Variants in JAG2 observed in about 807,000 individuals in gnomAD.
JAG2 encodes protein jagged-2.
JAG2 carries 46 observed loss-of-function variants against 141.7 expected under a neutral mutation model. The observed-to-expected ratio is 0.32, with a 90% CI of 0.26 to 0.42. The LOEUF is 0.42. Ranked by LOEUF, JAG2 falls within the 10% of genes least tolerant of loss-of-function variation. JAG2 has a pLI of 1.00. For missense variants in JAG2, 1,500 were observed against 1,817.5 expected (o/e 0.83, Z 3.18); for synonymous variants, 862 against 763.5 (o/e 1.13, Z -2.13).
In JAG2 at chr14:105,147,329, T is replaced by TGCG; in HGVS notation, c.2473_2475dup (p.Arg825dup). 1 of 1,555,322 alleles carries TGCG rather than the reference T, an allele frequency of 6.4e-7. No homozygotes were observed. Among genetic ancestry groups the TGCG allele is most frequent in the Non-Finnish European group, 8.7e-7 (1 of 1,149,662 alleles). ...CTGGGGCTGTCTGGCCACTCACTGA[T>TGCG]GCGGCAGTCAGGCCCCGCGAAGCCA... On this transcript the variant is annotated inframe_insertion, in exon 20 of 26. Coordinates refer to ENST00000331782, the MANE Select transcript of JAG2 (RefSeq NM_002226.5).
At chr14:105,149,466 C>A (rs1205616590) in intron 12 of JAG2, 146 bp from the exon 13 acceptor site, 1 of 945,908 alleles carries the variant, frequency 1.1e-6, no homozygotes, top group East Asian at 2.6e-5. Flanking sequence ...GAGCCCAAGA[C>A]CCCTGCCCAC....
chr14:105,167,626 GC>G lies in JAG2; in HGVS notation c.417+130del. ...TCCCCAGAGCACGCGCCCCCTGCCG[GC>G]CCCGCCCCGCCTGGGCGCGCGCGGC... is the stretch of plus-strand genomic sequence containing the variant. On this transcript the variant is annotated intron_variant, in intron 2 of 25. Transcript: ENST00000331782. The surrounding 1 kb of genome is among the most constrained non-coding windows in gnomAD (Gnocchi z 4.8). 9.2e-7 allele frequency: 1 copy of G among 1,085,658 alleles called. No individual in the cohort carries two copies. The highest frequency in any genetic ancestry group is 1.1e-6 in the Non-Finnish European group (1 of 874,504). 67.3% of individuals were successfully genotyped at this position (1,085,658 alleles called of 1,614,324 possible). A position where few individuals can be genotyped will look rare whatever the true frequency, so the allele number is the denominator to read the frequency against.
chr14:105,144,914 C>T lies in JAG2; in HGVS notation c.3084+16G>A. On this transcript the variant is annotated intron_variant, in intron 24 of 25. Coordinates refer to ENST00000331782, the MANE Select transcript of JAG2 (RefSeq NM_002226.5). Reference sequence around the variant, plus strand: ...CCCAGGGCCCACCCAGGTGCTGCTCCCCACTGGGCACTCACCACGGCCACC... The same window carrying T: ...CCCAGGGCCCACCCAGGTGCTGCTCTCCACTGGGCACTCACCACGGCCACC... 1 of 1,597,186 alleles carries T rather than the reference C, an allele frequency of 6.3e-7. No homozygotes were observed. Among genetic ancestry groups the T allele is most frequent in the Non-Finnish European group, 8.5e-7 (1 of 1,176,108 alleles).
chr14:105,146,505 G>T lies in JAG2; in HGVS notation c.2594-5C>A, dbSNP rs772094758. On this transcript the variant is annotated splice_region_variant and splice_polypyrimidine_tract_variant and intron_variant, in intron 21 of 25. Transcript: ENST00000331782. ...AGGATCTCCCGAACCCGATCACTGT[G>T]GGGAGAAGGGGCTCGAGGGTCAGCA... 8 of 1,611,932 alleles carry T rather than the reference G, an allele frequency of 5.0e-6. No individual in the cohort carries two copies. Among genetic ancestry groups the T allele is most frequent in the South Asian group, 2.2e-5 (2 of 91,076 alleles).
At chr14:105,166,022 C>T (rs1888898196) in intron 2 of JAG2, among the ~76,000 whole-genome samples, 1 of 152,242 alleles carries the variant, frequency 6.6e-6, no homozygotes, top group Non-Finnish European at 1.5e-5. Flanking sequence ...GGCAGGAGAC[C>T]AGGGCTGCCC....
At chr14:105,161,887 T>C (rs587594203) in intron 2 of JAG2, among the ~76,000 whole-genome samples, 2 of 152,238 alleles carry the variant, frequency 1.3e-5, no homozygotes, top group African/African-American at 4.8e-5. Flanking sequence ...CCTCTGCGAA[T>C]AGCAACCTCT....
At chr14:105,163,262 G>A (rs1330444226) in intron 2 of JAG2, among the ~76,000 whole-genome samples, 2 of 152,200 alleles carry the variant, frequency 1.3e-5, no homozygotes, top group African/African-American at 2.4e-5. Flanking sequence ...AAGAAGGGGT[G>A]GGGGCAAACA....
Position 105,149,082 on chromosome 14 carries a change from A to G in JAG2, c.1761T>C (p.Asp587=). Residue 587 remains aspartate (D), a synonymous_variant, in exon 14 of 26, where the codon GAT becomes GAC. Coordinates refer to ENST00000331782, the MANE Select transcript of JAG2 (RefSeq NM_002226.5). ...CAGGCCCCGCGTCTGACCCGCAGCC[A>G]TCGATCACTATGGCAGGCAGTACAG... ...PCPGGACRVI[D]GCGSDAGPGM... 1 of 1,608,654 alleles carries G rather than the reference A, an allele frequency of 6.2e-7. No individual in the cohort carries two copies. Among genetic ancestry groups the G allele is most frequent in the Non-Finnish European group, 8.5e-7 (1 of 1,178,500 alleles).
chr14:105,165,725 C>T (rs1173734843), intron 2 of JAG2, among the ~76,000 whole-genome samples: 2 of 152,224 alleles, frequency 1.3e-5, no homozygotes, highest in Non-Finnish European at 2.9e-5. Context: ...GACTCCCCCA[C>T]TCCTCTTCCA....
At position 105,154,833 on chromosome 14, in the gene JAG2, T is replaced by C. The variant is rs1258720389; in HGVS notation, c.788+729A>G. ...GCCTGCTCCTCTGTGGCATTCCTCC[T>C]GCCACCATGGCTCTGCTACTCAGCA... is the stretch of plus-strand genomic sequence containing the variant. On this transcript the variant is annotated intron_variant, in intron 5 of 25. Transcript: ENST00000331782. The surrounding 1 kb of genome is among the most constrained non-coding windows in gnomAD (Gnocchi z 4.4). Among the ~76,000 whole-genome samples the C allele has an allele frequency of 2.6e-5, 4 of 151,996 alleles. No individual in the cohort carries two copies. The highest frequency in any genetic ancestry group is 9.7e-5 in the African/African-American group (4 of 41,342).
chr14:105,168,383 AGC>A lies in JAG2; in HGVS notation c.36_37del (p.Leu13AlafsTer38). The A allele has an allele frequency of 9.8e-7, 1 of 1,019,328 alleles. No homozygotes were observed. The highest frequency in any genetic ancestry group is 1.2e-6 in the Non-Finnish European group (1 of 829,780). The allele number at this position is 1,019,328 out of a possible 1,614,324, so 63.1% of individuals were successfully genotyped here. A position where few individuals can be genotyped will look rare whatever the true frequency, so the allele number is the denominator to read the frequency against. ...CACCCAGAGCGCCAGCAGCAGCAGC[AGC>A]CGCCGGGGAAGGCGCCCCCGGCCCT... On this transcript the variant is annotated frameshift_variant, in exon 1 of 26. Coordinates refer to ENST00000331782, the MANE Select transcript of JAG2 (RefSeq NM_002226.5). LOFTEE classifies it high-confidence loss of function.
chr14:105,151,213 C>CACAGCCCCA (rs1555370222), intron 9 of JAG2, 70 bp downstream of exon 9: 5 of 1,372,522 alleles, frequency 3.6e-6, no homozygotes, highest in South Asian at 1.2e-5. Flanking sequence ...CAGCAGCCCC[C>CACAGCCCCA]GCAGCCCCAG....
rs369902010 is a variant in JAG2 at position 105,152,373 on chromosome 14, C to A, written c.789-82G>T. ...CAGGGGAGCCAGGCACAGTCACCCA[C>A]GCCACACCCAGGGCCGGCGGGCGGC... On this transcript the variant is annotated intron_variant, in intron 5 of 25. Transcript: ENST00000331782. The A allele has an allele frequency of 1.4e-5, 22 of 1,518,258 alleles. No homozygotes were observed. The African/African-American group carries it at 2.8e-4, about 19-fold the overall frequency. 94.0% of individuals were successfully genotyped at this position (1,518,258 alleles called of 1,614,324 possible). A position where few individuals can be genotyped will look rare whatever the true frequency, so the allele number is the denominator to read the frequency against.
intron 23 of JAG2, among the ~76,000 whole-genome samples, 164 bp downstream of exon 23, chr14:105,145,567 C>T (rs1302686981): frequency 6.6e-6 from 1 of 152,244 alleles, no homozygotes; most frequent in Non-Finnish European, 1.5e-5. Flanking sequence ...GCACCAGGCC[C>T]AATGCCCCTC....
At chr14:105,158,267 A>G (rs1888635603) in intron 2 of JAG2, among the ~76,000 whole-genome samples, 1 of 152,010 alleles carries the variant, frequency 6.6e-6, no homozygotes, top group African/African-American at 2.4e-5. Flanking sequence ...GTGGCCAAGT[A>G]CAGGGCGCCC....
chr14:105,150,817 G>A, intron 11 of JAG2, 40 bp from the exon 12 acceptor site: 1 of 1,573,208 alleles, frequency 6.4e-7, no homozygotes, highest in Non-Finnish European at 8.6e-7. Flanking sequence ...CAGGCACCCT[G>A]ACGGCCCCGC....
intron 2 of JAG2, among the ~76,000 whole-genome samples, chr14:105,164,747 C>G (rs1480735829): frequency 6.6e-6 from 1 of 152,130 alleles, no homozygotes; most frequent in African/African-American, 2.4e-5. Flanking sequence ...CTGGACAGGT[C>G]TGGGAGCCGG....
rs200708284 is a variant in JAG2 at position 105,148,416 on chromosome 14, G to A, written c.2044C>T (p.Pro682Ser). The change falls in exon 16 of 26, where the codon CCC (proline) becomes TCC (serine). Residue 682 changes from proline to serine, a missense_variant. By Grantham distance (74) the Pro-to-Ser change is moderately conservative (BLOSUM62 -1). This residue lies in a region of JAG2 where 875 missense variants were observed against 1,202.2 expected (regional missense o/e 0.73). Coordinates refer to ENST00000331782, the MANE Select transcript of JAG2 (RefSeq NM_002226.5). ...TAGCAGCGGCCGCGGCTGTGGCAGG[G>A]ATCGGGAAGGCAGTCGTTGGGATCT... ...DTNPNDCLPD[P>S]CHSRGRCYDL... The A allele has an allele frequency of 1.7e-4, 278 of 1,611,964 alleles. No individual in the cohort carries two copies. Among genetic ancestry groups the A allele is most frequent in the Admixed American group, 7.3e-4 (44 of 59,988 alleles).
chr14:105,151,204 A>AGCAGCCCCCGCAGCCCCAGCAGCCCCC (rs1888416262), intron 9 of JAG2, 79 bp downstream of exon 9: 1 of 715,916 alleles, frequency 1.4e-6, no homozygotes, highest in East Asian at 4.9e-5. Context: ...CAGCAGCCCC[A>AGCAGCCCCCGCAGCCCCAGCAGCCCCC]GCAGCCCCCG....
Sources: gnomAD v4.1 joint callset for allele counts (sites outside exome capture counted in the v4.1 genomes callset) on GRCh38, gnomAD v4.1.1 for gene constraint, gnomAD v4.1.1 regional missense constraint, Gnocchi (gnomAD v3.1) non-coding constraint, MANE v1.5 for transcripts, NCBI Gene and HGNC (gene_info 2026-07-23, HGNC 2026-07-21) for gene names.